Variants in SPHKAP observed in about 807,000 individuals in gnomAD.
The protein encoded by SPHKAP is SPHK1 interactor, AKAP domain containing.
A neutral mutation model predicts 137.5 loss-of-function variants in SPHKAP; 67 were observed. That is an observed-to-expected ratio of 0.49 (90% CI 0.40 to 0.60). The LOEUF is 0.60. Among genes scored for constraint, SPHKAP ranks in the 20% least tolerant of loss-of-function variants. SPHKAP has a pLI of 0.00. For synonymous variants in SPHKAP, 813 were observed against 785.3 expected, an observed-to-expected ratio of 1.04 and a Z score of -0.59; for missense variants, 2,097 against 2,069.3, an observed-to-expected ratio of 1.01 and a Z score of -0.26.
intron 2 of SPHKAP, among the ~76,000 whole-genome samples, chr2:228,125,751 T>G (rs1699057857): frequency 6.6e-6 from 1 of 152,106 alleles, no homozygotes; most frequent in African/African-American, 2.4e-5. Context: ...TTAGATTCAG[T>G]TTAGTAATGG....
At chr2:228,141,041 A>T (rs1699590168) in intron 1 of SPHKAP, among the ~76,000 whole-genome samples, 1 of 152,164 alleles carries the variant, frequency 6.6e-6, no homozygotes, top group African/African-American at 2.4e-5. Flanking sequence ...CTGCCAAATA[A>T]CAGACCTAAG....
chr2:228,137,054 T>G (rs1322715291), intron 1 of SPHKAP, among the ~76,000 whole-genome samples: 1 of 152,020 alleles, frequency 6.6e-6, no homozygotes, highest in Non-Finnish European at 1.5e-5. Context: ...CAAACACACT[T>G]ACGCTCCTGC....
At chr2:228,133,440 G>A (rs950518548) in intron 1 of SPHKAP, among the ~76,000 whole-genome samples, 4 of 152,034 alleles carry the variant, frequency 2.6e-5, no homozygotes, top group East Asian at 1.9e-4. Flanking sequence ...TAAACCTCAT[G>A]TAAATATAAA....
chr2:227,992,690 G>A (rs1306456895), intron 9 of SPHKAP, among the ~76,000 whole-genome samples: 1 of 152,156 alleles, frequency 6.6e-6, no homozygotes, highest in East Asian at 1.9e-4. Context: ...GCTGTGTGGA[G>A]CCACAAAGGA....
intron 1 of SPHKAP, among the ~76,000 whole-genome samples, chr2:228,165,587 G>A (rs1700400433): frequency 6.6e-6 from 1 of 152,178 alleles, no homozygotes; most frequent in Non-Finnish European, 1.5e-5. Context: ...ATTGCTTAGT[G>A]AGATAACTCA....
rs1559355532 is a variant in SPHKAP, at chr2:228,027,555, G to T, written c.247-12C>A. The stretch of plus-strand genomic sequence containing the variant: ...TTCACAAAGCAGACCTGGGAAAAGA[G>T]GGCAAAAATAGTACGTTAAAGTCAA... On this transcript the variant is annotated splice_polypyrimidine_tract_variant and intron_variant, in intron 3 of 11. Transcript: ENST00000392056. 1.2e-6 allele frequency: 2 copies of T among 1,613,320 alleles called. No homozygotes were observed. Among genetic ancestry groups the T allele is most frequent in the Non-Finnish European group, 1.7e-6 (2 of 1,179,740 alleles).
intron 7 of SPHKAP, among the ~76,000 whole-genome samples, chr2:228,000,336 C>T (rs549348473): frequency 6.9e-4 from 104 of 151,236 alleles, no homozygotes; most frequent in African/African-American, 2.4e-3. Flanking sequence ...AAAAATTAGT[C>T]GGCCGGGCAC....
intron 3 of SPHKAP, among the ~76,000 whole-genome samples, chr2:228,033,082 G>A (rs1695411767): frequency 6.6e-6 from 1 of 152,076 alleles, no homozygotes; most frequent in Admixed American, 6.5e-5. Context: ...ACACAGACTG[G>A]CAAATTGGAT....
chr2:228,067,318 T>A (rs542492511), intron 3 of SPHKAP, among the ~76,000 whole-genome samples: 18 of 152,304 alleles, frequency 1.2e-4, no homozygotes, highest in South Asian at 4.1e-4. Context: ...AGATCTATTT[T>A]AAAAAAATTA....
chr2:228,153,385 A>G (rs1699997869), intron 1 of SPHKAP, among the ~76,000 whole-genome samples: 1 of 152,096 alleles, frequency 6.6e-6, no homozygotes, highest in Non-Finnish European at 1.5e-5. Flanking sequence ...CTTTGGCTTG[A>G]AGTAAATCCT....
At position 228,017,290 on chromosome 2, in the gene SPHKAP, C is replaced by T. The variant is rs146237024; in HGVS notation, c.3564G>A (p.Glu1188=). 3.0e-5 allele frequency: 49 copies of T among 1,613,966 alleles called. No individual in the cohort carries two copies. The highest frequency in any genetic ancestry group is 2.7e-4 in the African/African-American group (20 of 74,940). Residue 1188 remains glutamate, a synonymous_variant, in exon 7 of 12, where the codon GAG becomes GAA. Coordinates refer to ENST00000392056, the MANE Select transcript of SPHKAP (RefSeq NM_001142644.2). Reference sequence around the variant, plus strand: ...ACCTGTAGAACTCCTCAGTGATGCTCTCTGTGCTGGACTGCTTAGAGGGAC... The same window carrying T: ...ACCTGTAGAACTCCTCAGTGATGCTTTCTGTGCTGGACTGCTTAGAGGGAC... ...PSCPSKQSST[E]SITEEFYRYM...
intron 2 of SPHKAP, among the ~76,000 whole-genome samples, chr2:228,112,666 C>A (rs4588182): frequency 0.34 from 52,306 of 151,896 alleles, 9,277 homozygotes; most frequent in East Asian, 0.5. Context: ...GGGCTGTCTG[C>A]AGACCAGGCT....
chr2:228,125,412 T>A (rs1443377871), intron 2 of SPHKAP, among the ~76,000 whole-genome samples: 1 of 152,236 alleles, frequency 6.6e-6, no homozygotes. Context: ...ATTATTTATT[T>A]AGAATGAACT....
chr2:228,086,619 G>A (rs867613832), intron 3 of SPHKAP, among the ~76,000 whole-genome samples: 2 of 152,190 alleles, frequency 1.3e-5, no homozygotes, highest in African/African-American at 4.8e-5. Context: ...AAATTTGCTC[G>A]AGGGAAGAGG....
At chr2:228,050,425 A>T (rs1486335350) in intron 3 of SPHKAP, among the ~76,000 whole-genome samples, 1 of 152,132 alleles carries the variant, frequency 6.6e-6, no homozygotes, top group Non-Finnish European at 1.5e-5. Context: ...CTTTACCTAC[A>T]ATTTGTTCTT....
At chr2:228,138,035 C>A (rs1242659438) in intron 1 of SPHKAP, among the ~76,000 whole-genome samples, 1 of 152,214 alleles carries the variant, frequency 6.6e-6, no homozygotes, top group Non-Finnish European at 1.5e-5. Context: ...TTTGAGACAT[C>A]TTCTCAGCTA....
At chr2:228,166,540 G>T (rs1191735069) in intron 1 of SPHKAP, among the ~76,000 whole-genome samples, 1 of 152,046 alleles carries the variant, frequency 6.6e-6, no homozygotes, top group Non-Finnish European at 1.5e-5. Flanking sequence ...AATCATTCAT[G>T]CCAGTCTTAT....
At chr2:228,010,529 C>T (rs1217156641) in intron 7 of SPHKAP, among the ~76,000 whole-genome samples, 1 of 152,104 alleles carries the variant, frequency 6.6e-6, no homozygotes, top group Non-Finnish European at 1.5e-5. Context: ...GAAACTCCAT[C>T]TCAAAAACAA....
At chr2:228,156,178 T>C (rs1700102233) in intron 1 of SPHKAP, among the ~76,000 whole-genome samples, 1 of 152,202 alleles carries the variant, frequency 6.6e-6, no homozygotes, top group Admixed American at 6.5e-5. Context: ...ATCCGACATA[T>C]ATGTTTCACA....
Sources: gnomAD v4.1 joint callset for allele counts (sites outside exome capture counted in the v4.1 genomes callset) on GRCh38, gnomAD v4.1.1 for gene constraint, MANE v1.5 for transcripts, NCBI Gene and HGNC (gene_info 2026-07-23, HGNC 2026-07-21) for gene names.